The following COQ8A variants were observed in gnomAD, a reference collection of about 807,000 sequenced individuals.
COQ8A encodes atypical kinase COQ8A, mitochondrial.
In COQ8A, 51 loss-of-function variants were observed where a neutral mutation model predicts 65.0. That is an observed-to-expected ratio of 0.78 (90% CI 0.63 to 0.99). The LOEUF is 0.99. COQ8A is among the 50% of genes least tolerant of loss of function. The pLI is 0.00. For missense variants in COQ8A, 940 were observed against 875.0 expected, an observed-to-expected ratio of 1.07 and a Z score of -0.94; for synonymous variants, 371 against 353.2, an observed-to-expected ratio of 1.05 and a Z score of -0.57.
At position 226,965,232 on chromosome 1, in the gene COQ8A, C is replaced by G. The variant is rs1365869487; in HGVS notation, c.410C>G (p.Pro137Arg). ...GGGTTCCCCGGCCAGGCCTCCTCCC[C>G]TCTGGGCAGGGCCAACGGGAGGCTC... The part of the protein sequence containing the change: ...EAGFPGQASS[P>R]LGRANGRLFA... Residue 137 changes from proline (P) to arginine (R), a missense_variant, in exon 3 of 15, where the codon CCT becomes CGT. Physicochemically the swap from Pro to Arg is moderately radical, Grantham distance 103. Transcript: ENST00000366777. 1 of 1,614,026 alleles carries G rather than the reference C, an allele frequency of 6.2e-7. No individual in the cohort carries two copies. The highest frequency in any genetic ancestry group is 1.7e-5 in the Admixed American group (1 of 60,024).
In COQ8A at chr1:226,944,593, G is replaced by A. The variant is rs144029883; in HGVS notation, c.-10+4194G>A. ...CCCATTTCTGGAGTAACAAAGGTCCGCTAAAGAGGGGTCGAGGCCTTCTGT... is the reference window on the plus strand; with the variant it reads ...CCCATTTCTGGAGTAACAAAGGTCCACTAAAGAGGGGTCGAGGCCTTCTGT... On this transcript the variant is annotated intron_variant, in intron 1 of 14. Transcript: ENST00000366777. Among the ~76,000 whole-genome samples the A allele has an allele frequency of 3.4e-3, 508 of 151,398 alleles. 4 individuals are homozygous for A. The highest frequency in any genetic ancestry group is 0.012 in the African/African-American group (480 of 41,248).
intron 4 of COQ8A, among the ~76,000 whole-genome samples, chr1:226,969,943 A>G (rs913579850): frequency 1.3e-5 from 2 of 152,032 alleles, no homozygotes; most frequent in African/African-American, 4.8e-5. Context: ...TTTTAAATTA[A>G]TCAAGGACTT....
intron 9 of COQ8A, 64 bp downstream of exon 9, chr1:226,983,697 G>C: frequency 6.2e-7 from 1 of 1,612,142 alleles, no homozygotes; most frequent in Non-Finnish European, 8.5e-7. Flanking sequence ...TTGGGTTCTG[G>C]GGACCAGAGG....
intron 4 of COQ8A, among the ~76,000 whole-genome samples, chr1:226,965,951 C>T (rs567939383): frequency 1.1e-4 from 16 of 152,208 alleles, no homozygotes; most frequent in Non-Finnish European, 2.1e-4. Context: ...CTCTCCCCTG[C>T]GGGTTGGTAC....
At chr1:226,952,456 C>T (rs569562713) in intron 1 of COQ8A, among the ~76,000 whole-genome samples, 1 of 152,122 alleles carries the variant, frequency 6.6e-6, no homozygotes, top group Non-Finnish European at 1.5e-5. Flanking sequence ...TGCTCTGTTA[C>T]CCAGGCTGGA....
chr1:226,957,884 T>G (rs1044696886), intron 1 of COQ8A, among the ~76,000 whole-genome samples: 1 of 152,128 alleles, frequency 6.6e-6, no homozygotes, highest in African/African-American at 2.4e-5. Context: ...GTCTCCAGCA[T>G]GAGTGAGACG....
chr1:226,978,404 C>A (rs1201320493), intron 5 of COQ8A, among the ~76,000 whole-genome samples: 2 of 143,598 alleles, frequency 1.4e-5, no homozygotes, highest in Non-Finnish European at 3.0e-5. Context: ...AACACCCGCA[C>A]ACCTTGCACA....
chr1:226,957,762 G>T (rs1657897960), intron 1 of COQ8A, among the ~76,000 whole-genome samples: 1 of 152,218 alleles, frequency 6.6e-6, no homozygotes, highest in South Asian at 2.1e-4. Context: ...TATCTGGCCG[G>T]TTAGACAGCC....
rs371867831 is a variant in COQ8A at position 226,982,067 on chromosome 1, G to A, written c.771G>A (p.Glu257=). ...TGGGTTCCAGTCCTTTCCTGTCCGA[G>A]GCCAATGCAGAGCGGATCGTGCGCA... The part of the protein sequence containing the change: ...AVLGSSPFLS[E]ANAERIVRTL... Residue 257 remains glutamate (E), a synonymous_variant, in exon 6 of 15, where the codon GAG becomes GAA. Coordinates refer to ENST00000366777, the MANE Select transcript of COQ8A (RefSeq NM_020247.5). 3.1e-6 allele frequency: 5 copies of A among 1,612,790 alleles called. No individual in the cohort carries two copies. The African/African-American group carries it at 6.7e-5, about 22-fold the overall frequency.
In COQ8A at chr1:226,982,975, A is replaced by G. The variant is rs754633292; in HGVS notation, c.1021A>G (p.Ile341Val). 2.1e-5 allele frequency: 34 copies of G among 1,603,678 alleles called. No individual in the cohort carries two copies. Among genetic ancestry groups the G allele is most frequent in the Non-Finnish European group, 2.6e-5 (30 of 1,175,786 alleles). Residue 341 changes from isoleucine (I) to valine (V), a missense_variant, in exon 8 of 15, where the codon ATT (isoleucine) becomes GTT (valine). Ile to Val is a conservative substitution (Grantham distance 29). Transcript: ENST00000366777. Reference sequence around the variant, plus strand: ...GGAGCGGCCCTTCGCCGCCGCATCCATTGGGCAGGTGCACTTGGCCCGAAT... The same window carrying G: ...GGAGCGGCCCTTCGCCGCCGCATCCGTTGGGCAGGTGCACTTGGCCCGAAT... ...FEERPFAAAS[I>V]GQVHLARMKG...
intron 8 of COQ8A, 65 bp downstream of exon 8, chr1:226,983,099 C>T: frequency 6.5e-7 from 1 of 1,532,272 alleles, no homozygotes; most frequent in Non-Finnish European, 8.8e-7. Flanking sequence ...TGGGGCCTGG[C>T]TCATGGAGGC....
intron 1 of COQ8A, among the ~76,000 whole-genome samples, chr1:226,941,723 C>G (rs1264293574): frequency 6.7e-6 from 1 of 148,608 alleles, no homozygotes; most frequent in African/African-American, 2.5e-5. Context: ...TGCAGTGAGC[C>G]AAGATGGCGC....
chr1:226,977,360 G>T (rs1261344958), intron 4 of COQ8A, 89 bp from the exon 5 acceptor site: 4 of 1,291,446 alleles, frequency 3.1e-6, no homozygotes, highest in Non-Finnish European at 1.1e-6. Context: ...AGCGGTGTCT[G>T]TGTGGTGCTG....
At chr1:226,968,910 T>C (rs898990553) in intron 4 of COQ8A, among the ~76,000 whole-genome samples, 6 of 152,180 alleles carry the variant, frequency 3.9e-5, no homozygotes, top group Admixed American at 1.3e-4. Flanking sequence ...GAAAGGGTCA[T>C]ATATTGGATA....
intron 5 of COQ8A, 37 bp downstream of exon 5, chr1:226,977,560 C>T (rs1572066298): frequency 3.2e-6 from 5 of 1,542,704 alleles, no homozygotes; most frequent in South Asian, 2.4e-5. Context: ...GCAGGGTGGG[C>T]CCCGGGAGGG....
At chr1:226,942,859 T>A (rs1483905078) in intron 1 of COQ8A, among the ~76,000 whole-genome samples, 1 of 152,258 alleles carries the variant, frequency 6.6e-6, no homozygotes, top group Non-Finnish European at 1.5e-5. Flanking sequence ...TGGAGAAAGA[T>A]GCTTTACTTC....
intron 1 of COQ8A, among the ~76,000 whole-genome samples, chr1:226,957,301 C>CCCCCA (rs1657862581): frequency 6.7e-6 from 1 of 148,274 alleles, no homozygotes; most frequent in Non-Finnish European, 1.5e-5. Context: ...CCCCACCTCC[C>CCCCCA]TGGTTCACAC....
At chr1:226,948,178 C>T (rs1299007286) in intron 1 of COQ8A, among the ~76,000 whole-genome samples, 4 of 152,192 alleles carry the variant, frequency 2.6e-5, no homozygotes, top group Admixed American at 6.5e-5. Context: ...AAGGTATCAG[C>T]TGGGCTGGTT....
At position 226,961,517 on chromosome 1, in the gene COQ8A, G is replaced by T; in HGVS notation, c.132G>T (p.Gln44His). ...GELIMAARAL[Q>H]STAVEQIGMF... ...TGATCATGGCGGCCAGGGCCCTGCA[G>T]TCCACGGCTGTGGAGCAGATTGGCA... Residue 44 changes from glutamine (Q) to histidine (H), a missense_variant, in exon 2 of 15, where the codon CAG becomes CAT. By Grantham distance (24) the Gln-to-His change is conservative (BLOSUM62 0). Coordinates refer to ENST00000366777, the MANE Select transcript of COQ8A (RefSeq NM_020247.5). The T allele has an allele frequency of 1.2e-6, 2 of 1,613,844 alleles. No individual in the cohort carries two copies. The highest frequency in any genetic ancestry group is 1.7e-6 in the Non-Finnish European group (2 of 1,179,954).
Sources: allele counts gnomAD v4.1 joint callset (sites outside exome capture counted in the v4.1 genomes callset), GRCh38; gene constraint gnomAD v4.1.1; transcripts MANE v1.5; gene names NCBI Gene and HGNC (gene_info 2026-07-23, HGNC 2026-07-21).